Variants in NELL1 observed in about 807,000 individuals in gnomAD.
The protein encoded by NELL1 is protein kinase C-binding protein NELL1.
NELL1 carries 76 observed loss-of-function variants against 107.4 expected under a neutral mutation model. The ratio of observed to expected loss-of-function variants is 0.71; its 90% CI spans 0.59 to 0.86. The LOEUF (loss-of-function observed/expected upper bound fraction) is 0.86, where lower values mean the gene tolerates loss of function less well. Among genes scored for constraint, NELL1 ranks in the 40% least tolerant of loss-of-function variants. NELL1 has a pLI of 0.00. For synonymous variants in NELL1, 353 were observed against 341.2 expected (o/e 1.03, Z -0.38); for missense variants, 1,024 against 1,005.5 (o/e 1.02, Z -0.25).
intron 4 of NELL1, among the ~76,000 whole-genome samples, chr11:20,878,358 C>T (rs78366003): frequency 6.3e-5 from 6 of 95,760 alleles, no homozygotes; most frequent in African/African-American, 1.8e-4. Flanking sequence ...GACCCCGTCT[C>T]AAAAAAAAAA....
At position 20,851,371 on chromosome 11, in the gene NELL1, G is replaced by A. The variant is rs1043212887; in HGVS notation, c.506+3618G>A. 3.7e-4 allele frequency among the ~76,000 whole-genome samples: 57 copies of A among 152,270 alleles called. 1 individual carries two copies. Among genetic ancestry groups the A allele is most frequent in the African/African-American group, 1.2e-3 (51 of 41,538 alleles). ...TAGCTGGGCTTAGTTAGAAGTTCCT[G>A]ATGTGTGGATAGCAGATTACCTCAA... On this transcript the variant is annotated intron_variant, in intron 4 of 19. Coordinates refer to ENST00000357134, the MANE Select transcript of NELL1 (RefSeq NM_006157.5).
chr11:21,233,847 G>A (rs1385738126), intron 14 of NELL1, among the ~76,000 whole-genome samples: 2 of 152,220 alleles, frequency 1.3e-5, no homozygotes, highest in Non-Finnish European at 2.9e-5. Flanking sequence ...TGGATAGGAT[G>A]TGGTGATCTT....
At chr11:20,788,424 G>T (rs1358458409) in intron 3 of NELL1, among the ~76,000 whole-genome samples, 1 of 152,138 alleles carries the variant, frequency 6.6e-6, no homozygotes, top group Non-Finnish European at 1.5e-5. Flanking sequence ...ACCTTACTGT[G>T]GTTTTGAGTT....
chr11:21,173,887 G>A (rs1156369252), intron 13 of NELL1, among the ~76,000 whole-genome samples: 1 of 151,658 alleles, frequency 6.6e-6, no homozygotes, highest in African/African-American at 2.4e-5. Context: ...TCTTAGATTA[G>A]ATGATACCTA....
At chr11:20,867,930 T>C (rs1390317847) in intron 4 of NELL1, among the ~76,000 whole-genome samples, 1 of 152,166 alleles carries the variant, frequency 6.6e-6, no homozygotes, top group African/African-American at 2.4e-5. Flanking sequence ...GAGACATTTA[T>C]TTATTTTACC....
intron 15 of NELL1, among the ~76,000 whole-genome samples, chr11:21,492,866 G>T (rs887163951): frequency 6.6e-6 from 1 of 151,932 alleles, no homozygotes; most frequent in Non-Finnish European, 1.5e-5. Flanking sequence ...TGCACATTGT[G>T]CACATGTACC....
intron 14 of NELL1, among the ~76,000 whole-genome samples, chr11:21,261,600 G>A (rs535808642): frequency 6.5e-4 from 99 of 151,894 alleles, no homozygotes; most frequent in Admixed American, 1.3e-3. Flanking sequence ...GAGGCAGAGA[G>A]CGATTAAAGA....
intron 16 of NELL1, among the ~76,000 whole-genome samples, chr11:21,544,181 GA>G (rs1485804711): frequency 6.6e-6 from 1 of 151,894 alleles, no homozygotes. Flanking sequence ...ATGATAAGGA[GA>G]AAAATTAGAA....
At chr11:21,166,695 A>G (rs1444325017) in intron 13 of NELL1, among the ~76,000 whole-genome samples, 1 of 151,956 alleles carries the variant, frequency 6.6e-6, no homozygotes, top group Non-Finnish European at 1.5e-5. Context: ...TAGTACCATA[A>G]TCCATGTAGA....
chr11:21,302,162 C>T (rs771808494), intron 14 of NELL1, among the ~76,000 whole-genome samples: 1 of 152,020 alleles, frequency 6.6e-6, no homozygotes, highest in Non-Finnish European at 1.5e-5. Flanking sequence ...GTTGACCAGG[C>T]TCAGCTGGGT....
chr11:21,526,058 G>A (rs1855846680), intron 15 of NELL1, among the ~76,000 whole-genome samples: 1 of 152,130 alleles, frequency 6.6e-6, no homozygotes, highest in Non-Finnish European at 1.5e-5. Context: ...TCTGACACAA[G>A]GCAAGCCTCT....
At chr11:21,430,375 C>G (rs772255544) in intron 15 of NELL1, among the ~76,000 whole-genome samples, 7 of 152,094 alleles carry the variant, frequency 4.6e-5, no homozygotes, top group Non-Finnish European at 8.8e-5. Flanking sequence ...GTAGCATCTT[C>G]TGAATAACAA....
intron 15 of NELL1, among the ~76,000 whole-genome samples, chr11:21,496,822 G>T (rs1327530162): frequency 7.2e-5 from 11 of 151,968 alleles, no homozygotes; most frequent in Admixed American, 7.2e-4. Flanking sequence ...AACCATTCCT[G>T]TGTCTAAGCG....
intron 13 of NELL1, among the ~76,000 whole-genome samples, chr11:21,163,193 T>C (rs1324751813): frequency 6.6e-6 from 1 of 152,064 alleles, no homozygotes; most frequent in East Asian, 1.9e-4. Flanking sequence ...GTATGAGCTG[T>C]CAAAAGGGAG....
chr11:21,062,566 T>A (rs951874706), intron 12 of NELL1, among the ~76,000 whole-genome samples: 7 of 152,166 alleles, frequency 4.6e-5, no homozygotes, highest in African/African-American at 1.4e-4. Flanking sequence ...GCCTTTAGTG[T>A]TTGAGGGACT....
At chr11:21,046,947 G>A (rs1853370954) in intron 12 of NELL1, among the ~76,000 whole-genome samples, 1 of 151,622 alleles carries the variant, frequency 6.6e-6, no homozygotes, top group Admixed American at 6.6e-5. Context: ...GAATACTTGG[G>A]CTCAAGTGAT....
At chr11:20,703,947 G>A (rs1854867737) in intron 2 of NELL1, among the ~76,000 whole-genome samples, 1 of 152,194 alleles carries the variant, frequency 6.6e-6, no homozygotes, top group Non-Finnish European at 1.5e-5. Context: ...TTTGGAATAA[G>A]TGTGATGTGG....
intron 17 of NELL1, among the ~76,000 whole-genome samples, chr11:21,566,620 G>T (rs1328466879): frequency 6.6e-6 from 1 of 151,780 alleles, no homozygotes; most frequent in Non-Finnish European, 1.5e-5. Flanking sequence ...TGGCATATAA[G>T]TAGGGATTGT....
intron 4 of NELL1, among the ~76,000 whole-genome samples, chr11:20,872,992 C>A (rs915942185): frequency 3.9e-5 from 6 of 152,258 alleles, no homozygotes; most frequent in Admixed American, 3.9e-4. Context: ...TCCTTTCCAA[C>A]CCTGAGAGTC....
Sources: gnomAD v4.1 joint callset for allele counts (sites outside exome capture counted in the v4.1 genomes callset) on GRCh38, gnomAD v4.1.1 for gene constraint, MANE v1.5 for transcripts, NCBI Gene and HGNC (gene_info 2026-07-23, HGNC 2026-07-21) for gene names.